The following MAP3K7 variants were observed in gnomAD, a reference collection of about 807,000 sequenced individuals.
MAP3K7 encodes TGF-beta activated kinase 1.
Under a neutral mutation model 84.8 loss-of-function variants are expected in MAP3K7, and 21 were observed. The ratio of observed to expected loss-of-function variants is 0.25; its 90% CI spans 0.18 to 0.36. MAP3K7 has a LOEUF of 0.36. Among genes scored for constraint, MAP3K7 ranks in the 10% least tolerant of loss-of-function variants. The pLI is 1.00. For synonymous variants in MAP3K7, 241 were observed against 247.7 expected (o/e 0.97, Z 0.25); for missense variants, 503 against 747.7 (o/e 0.67, Z 3.82).
At chr6:90,572,169 A>C (rs1271084330) in intron 1 of MAP3K7, among the ~76,000 whole-genome samples, 1 of 152,116 alleles carries the variant, frequency 6.6e-6, no homozygotes, top group Non-Finnish European at 1.5e-5. Context: ...ATATGGAAAA[A>C]CAAAAAGCAG....
chr6:90,572,370 T>C (rs1418279375), intron 1 of MAP3K7, among the ~76,000 whole-genome samples: 2 of 152,172 alleles, frequency 1.3e-5, no homozygotes, highest in East Asian at 3.9e-4. Flanking sequence ...ACTATTGATA[T>C]ATGTTACTTA....
In MAP3K7 at chr6:90,536,376, G is replaced by C. The variant is rs1217460170; in HGVS notation, c.1317C>G (p.Ser439=). The change falls in exon 13 of 17, where the codon TCC becomes TCG. Residue 439 remains serine (S), a synonymous_variant. Coordinates refer to ENST00000369329, the MANE Select transcript of MAP3K7 (RefSeq NM_145331.3). ...ISGNGQPRRR[S]IQDLTVTGTE... is the part of the protein sequence containing the mutation. ...TTCCAGTTACAGTCAAGTCTTGGATGGATCTACGTCTTGGCTGTCCGTTGC... is the reference window on the plus strand; with the variant it reads ...TTCCAGTTACAGTCAAGTCTTGGATCGATCTACGTCTTGGCTGTCCGTTGC... 1 of 1,612,034 alleles carries C rather than the reference G, an allele frequency of 6.2e-7. No individual in the cohort carries two copies. Among genetic ancestry groups the C allele is most frequent in the Non-Finnish European group, 8.5e-7 (1 of 1,178,702 alleles).
At chr6:90,573,307 G>T (rs1297487061) in intron 1 of MAP3K7, among the ~76,000 whole-genome samples, 1 of 152,104 alleles carries the variant, frequency 6.6e-6, no homozygotes, top group Non-Finnish European at 1.5e-5. Flanking sequence ...AGACTTACAT[G>T]AACAAATTCC....
intron 1 of MAP3K7, among the ~76,000 whole-genome samples, chr6:90,580,298 T>C (rs180763984): frequency 2.6e-5 from 4 of 152,292 alleles, no homozygotes; most frequent in Non-Finnish European, 1.5e-5. Flanking sequence ...TCTTGAGACA[T>C]ACTGGCAACT....
intron 13 of MAP3K7, among the ~76,000 whole-genome samples, chr6:90,525,969 C>G (rs1047937747): frequency 7.2e-5 from 11 of 152,088 alleles, no homozygotes; most frequent in Admixed American, 2.0e-4. Flanking sequence ...CTTGAGTAGC[C>G]TCCTGAGTAG....
In MAP3K7 at chr6:90,552,068, A is replaced by T; in HGVS notation, c.848T>A (p.Ile283Lys). 1 of 1,610,814 alleles carries T rather than the reference A, an allele frequency of 6.2e-7. No individual in the cohort carries two copies. Among genetic ancestry groups the T allele is most frequent in the Non-Finnish European group, 8.5e-7 (1 of 1,177,508 alleles). The stretch of plus-strand genomic sequence containing the variant: ...TTATACCCGCATCAAGTGAGTCATT[A>T]TTTTCACAATTTCCTCCATTGAAGG... ...QRPSMEEIVKIMTHLMRYFPG... is the reference protein window; with the variant it reads ...QRPSMEEIVKKMTHLMRYFPG... The change falls in exon 8 of 17, where the codon ATA becomes AAA. Residue 283 changes from isoleucine to lysine, a missense_variant. Around this residue, in one of 5 missense-constraint regions of MAP3K7, gnomAD observed 286 missense variants for 313.6 expected, o/e 0.91. Transcript: ENST00000369329.
chr6:90,542,737 T>C (rs904661365), intron 12 of MAP3K7, among the ~76,000 whole-genome samples: 2 of 151,968 alleles, frequency 1.3e-5, no homozygotes, highest in African/African-American at 4.8e-5. Flanking sequence ...TGTATAAAGG[T>C]AAAATAAGAT....
In MAP3K7 at chr6:90,571,709, C is replaced by T. The variant is rs765658376; in HGVS notation, c.219G>A (p.Ala73=). The change falls in exon 2 of 17, where the codon GCG becomes GCA. Residue 73 remains alanine (A), a synonymous_variant. Transcript: ENST00000369329. ...AATCTCAACTTACCTCTACAATAAA[C>T]GCTTTCCTCTCAGATTCACTTTCTA... ...KQIESESERK[A]FIVELRQLSR... is the part of the protein sequence containing the mutation. 40 of 1,586,210 alleles carry T rather than the reference C, an allele frequency of 2.5e-5. No individual in the cohort carries two copies. Among genetic ancestry groups the T allele is most frequent in the Admixed American group, 2.3e-4 (13 of 56,254 alleles).
chr6:90,541,365 A>G (rs1228950094), intron 12 of MAP3K7, among the ~76,000 whole-genome samples: 1 of 151,990 alleles, frequency 6.6e-6, no homozygotes, highest in Non-Finnish European at 1.5e-5. Context: ...CCACATTTAC[A>G]TTTACTTTGC....
rs115962977 is a variant in MAP3K7, at chr6:90,513,731, G to A, written c.*2770C>T. 380 of 152,196 alleles carry A rather than the reference G, an allele frequency of 2.5e-3. 2 individuals carry two copies. The highest frequency in any genetic ancestry group is 8.7e-3 in the African/African-American group (360 of 41,544). The allele number at this position is 152,196 out of a possible 1,614,324, so 9.4% of individuals were successfully genotyped here. A position where few individuals can be genotyped will look rare whatever the true frequency, so the allele number is the denominator to read the frequency against. Reference sequence around the variant, plus strand: ...GAAGTAGAACTTACTACCATTTGAAGACAGGAGTTGAGCGCTGAAAACCAC... The same window carrying A: ...GAAGTAGAACTTACTACCATTTGAAAACAGGAGTTGAGCGCTGAAAACCAC... On this transcript the variant is annotated 3_prime_UTR_variant, in exon 17 of 17. Transcript: ENST00000369329.
At chr6:90,586,626 G>A (rs1339587624) in intron 1 of MAP3K7, 138 bp downstream of exon 1, 4 of 1,143,370 alleles carry the variant, frequency 3.5e-6, no homozygotes, top group South Asian at 1.6e-5. Flanking sequence ...GTTACTGAGG[G>A]CTGTGGGGTC....
Position 90,582,596 on chromosome 6 carries a change from G to A in MAP3K7, c.120+4168C>T, listed in dbSNP as rs1023167543. On this transcript the variant is annotated intron_variant, in intron 1 of 16. Coordinates refer to ENST00000369329, the MANE Select transcript of MAP3K7 (RefSeq NM_145331.3). Reference sequence around the variant, plus strand: ...AGGAGTCAGTCATCTTAAGTTATGGGGGAACAGCGCTTTAGGCAGAGGAAC... The same window carrying A: ...AGGAGTCAGTCATCTTAAGTTATGGAGGAACAGCGCTTTAGGCAGAGGAAC... Among the ~76,000 whole-genome samples, 64 of 152,126 alleles carry A rather than the reference G, an allele frequency of 4.2e-4. 2 individuals are homozygous for A. The highest frequency in any genetic ancestry group is 4.2e-3 in the Admixed American group (64 of 15,266).
At position 90,516,647 on chromosome 6, in the gene MAP3K7, TTTCA is replaced by T; in HGVS notation, c.1671_1674del (p.Asp557GlufsTer18). The T allele has an allele frequency of 6.2e-7, 1 of 1,609,510 alleles. No individual in the cohort carries two copies. Among genetic ancestry groups the T allele is most frequent in the Non-Finnish European group, 8.5e-7 (1 of 1,178,280 alleles). ...AGGCGAGATGTATTTTGCTGGTCCT[TTTCA>T]TCCTGGTCCAGTTCTGCAACTAGTT... On this transcript the variant is annotated frameshift_variant, in exon 17 of 17. Transcript: ENST00000369329. LOFTEE classifies it high-confidence loss of function.
rs144371772 is a variant in MAP3K7 at position 90,545,724 on chromosome 6, C to A, written c.1211-1092G>T. ...CACAGCTATCTTCTGCCAGTTTCCA[C>A]TCTTCCCTTCTGTTTTAGCAATAGT... On this transcript the variant is annotated intron_variant, in intron 11 of 16. Transcript: ENST00000369329. 2.0e-5 allele frequency among the ~76,000 whole-genome samples: 3 copies of A among 152,244 alleles called. No individual in the cohort carries two copies. In the East Asian group the frequency reaches 5.8e-4, roughly 29 times the overall value.
At chr6:90,518,391 A>G in intron 16 of MAP3K7, 56 bp downstream of exon 16, 2 of 920,598 alleles carry the variant, frequency 2.2e-6, no homozygotes, top group Non-Finnish European at 3.3e-6. Flanking sequence ...ACCTTATCAT[A>G]TTTTAAACTC....
chr6:90,585,979 G>C (rs1318277944), intron 1 of MAP3K7, among the ~76,000 whole-genome samples: 3 of 152,198 alleles, frequency 2.0e-5, no homozygotes, highest in Non-Finnish European at 4.4e-5. Flanking sequence ...CACTTTATTA[G>C]ACTTGATGAT....
At chr6:90,535,531 A>G (rs1390130451) in intron 13 of MAP3K7, among the ~76,000 whole-genome samples, 1 of 151,990 alleles carries the variant, frequency 6.6e-6, no homozygotes, top group Admixed American at 6.6e-5. Context: ...GTACAGCTGA[A>G]AACAAACACC....
intron 9 of MAP3K7, among the ~76,000 whole-genome samples, chr6:90,550,124 T>C (rs1282135543): frequency 6.6e-6 from 1 of 152,158 alleles, no homozygotes; most frequent in Non-Finnish European, 1.5e-5. Context: ...TGAAGAAATG[T>C]TTAAATACAT....
intron 4 of MAP3K7, 22 bp downstream of exon 4, chr6:90,561,600 A>T (rs1265526261): frequency 2.5e-6 from 4 of 1,573,636 alleles, no homozygotes; most frequent in Non-Finnish European, 3.5e-6. Flanking sequence ...CACTAGATAA[A>T]GACAGGTCTA....
Sources: gnomAD v4.1 joint callset for allele counts (sites outside exome capture counted in the v4.1 genomes callset) on GRCh38, gnomAD v4.1.1 for gene constraint, gnomAD v4.1.1 regional missense constraint, MANE v1.5 for transcripts, NCBI Gene and HGNC (gene_info 2026-07-23, HGNC 2026-07-21) for gene names.